ANKFN1: variants seen among roughly 807,000 people sequenced by gnomAD.
The protein encoded by ANKFN1 is ankyrin repeat and fibronectin type-III domain-containing protein 1.
Under a neutral mutation model 108.7 loss-of-function variants are expected in ANKFN1, and 74 were observed. The ratio of observed to expected loss-of-function variants is 0.68; its 90% CI spans 0.56 to 0.83. The LOEUF (loss-of-function observed/expected upper bound fraction) is 0.83. ANKFN1 is among the 40% of genes least tolerant of loss of function. The probability of loss-of-function intolerance (pLI) is 0.00; values close to 1 mark genes in which losing one functional copy is unlikely to be tolerated. For synonymous variants in ANKFN1, 547 were observed against 516.2 expected (o/e 1.06, Z -0.81); for missense variants, 1,505 against 1,382.3 (o/e 1.09, Z -1.41).
chr17:56,215,627 A>C (rs1357553996), intron 2 of ANKFN1, among the ~76,000 whole-genome samples: 3 of 152,214 alleles, frequency 2.0e-5, no homozygotes, highest in African/African-American at 7.2e-5. Context: ...TAGATGAAGG[A>C]ATCAGAAAAC....
chr17:56,117,389 G>T (rs1355745968), intron 4 of ANKFN1, among the ~76,000 whole-genome samples: 2 of 152,156 alleles, frequency 1.3e-5, no homozygotes, highest in Non-Finnish European at 2.9e-5. Context: ...GAGATAGATT[G>T]TGAGCTCACG....
chr17:56,338,648 T>C (rs1397500312), intron 4 of ANKFN1, among the ~76,000 whole-genome samples: 1 of 152,036 alleles, frequency 6.6e-6, no homozygotes, highest in Non-Finnish European at 1.5e-5. Context: ...AGGTTTCTTT[T>C]TTTCAGTTCA....
chr17:56,284,692 C>T (rs796303392), intron 3 of ANKFN1, among the ~76,000 whole-genome samples: 3 of 152,134 alleles, frequency 2.0e-5, no homozygotes, highest in Non-Finnish European at 4.4e-5. Flanking sequence ...TGAAGGCCAC[C>T]GCACCATGCA....
At chr17:56,147,127 G>C (rs1435686525) in intron 4 of ANKFN1, among the ~76,000 whole-genome samples, 1 of 152,130 alleles carries the variant, frequency 6.6e-6, no homozygotes, top group Non-Finnish European at 1.5e-5. Flanking sequence ...CTCCATCTGA[G>C]ACCACTTCAG....
intron 4 of ANKFN1, among the ~76,000 whole-genome samples, chr17:56,056,376 CAAA>C (rs35100387): frequency 5.2e-5 from 7 of 135,146 alleles, no homozygotes; most frequent in Middle Eastern, 3.4e-3. Context: ...CAATTCTAAG[CAAA>C]AAAAAAAAAA....
chr17:56,259,852 C>T (rs2043459810), intron 3 of ANKFN1, among the ~76,000 whole-genome samples: 1 of 151,664 alleles, frequency 6.6e-6, no homozygotes, highest in South Asian at 2.1e-4. Context: ...CAGTCCCATT[C>T]TACCAGGTAT....
intron 4 of ANKFN1, among the ~76,000 whole-genome samples, chr17:56,106,730 C>T (rs1905759522): frequency 6.6e-6 from 1 of 152,154 alleles, no homozygotes; most frequent in South Asian, 2.1e-4. Flanking sequence ...AAAATCTCAT[C>T]TTGAAGGCCG....
At chr17:56,408,746 C>A (rs1374326462) in intron 8 of ANKFN1, among the ~76,000 whole-genome samples, 1 of 152,106 alleles carries the variant, frequency 6.6e-6, no homozygotes, top group Non-Finnish European at 1.5e-5. Context: ...GTTACAGAGG[C>A]AACTAGCTCC....
chr17:56,266,152 T>C (rs2144148408), intron 3 of ANKFN1, among the ~76,000 whole-genome samples: 1 of 152,352 alleles, frequency 6.6e-6, no homozygotes, highest in South Asian at 2.1e-4. Context: ...GGAGATATCT[T>C]CCATTTGGAA....
At position 56,372,645 on chromosome 17, in the gene ANKFN1, G is replaced by A; in HGVS notation, c.602-1G>A. On this transcript the variant is annotated splice_acceptor_variant, in intron 6 of 20. Coordinates refer to ENST00000682825, the MANE Select transcript of ANKFN1 (RefSeq NM_001370326.1). LOFTEE classifies it high-confidence loss of function. ...AAGTAATCCCATTTCTTTCCCTTTAGTTGTCAGCCTGGAAAGCCGAGCAAT... is the reference window on the plus strand; with the variant it reads ...AAGTAATCCCATTTCTTTCCCTTTAATTGTCAGCCTGGAAAGCCGAGCAAT... 3 of 1,608,936 alleles carry A rather than the reference G, an allele frequency of 1.9e-6. No homozygotes were observed. Among genetic ancestry groups the A allele is most frequent in the Non-Finnish European group, 2.5e-6 (3 of 1,178,758 alleles).
At chr17:56,201,695 A>C (rs1431273033) in intron 1 of ANKFN1, among the ~76,000 whole-genome samples, 1 of 152,084 alleles carries the variant, frequency 6.6e-6, no homozygotes. Context: ...TTAGCTATTC[A>C]GTATATCTAA....
intron 8 of ANKFN1, among the ~76,000 whole-genome samples, chr17:56,403,014 C>G (rs901231404): frequency 2.0e-5 from 3 of 152,076 alleles, no homozygotes; most frequent in African/African-American, 7.2e-5. Flanking sequence ...TTTGAAGGCT[C>G]TTTTTGGAAT....
At chr17:56,236,976 T>C (rs1229416290) in intron 3 of ANKFN1, among the ~76,000 whole-genome samples, 1 of 152,184 alleles carries the variant, frequency 6.6e-6, no homozygotes. Context: ...TGAACTGATG[T>C]TGAATTTTAT....
chr17:56,096,570 A>G (rs1185629500), intron 4 of ANKFN1, among the ~76,000 whole-genome samples: 1 of 152,198 alleles, frequency 6.6e-6, no homozygotes, highest in Non-Finnish European at 1.5e-5. Flanking sequence ...AAAAAGTTCA[A>G]CATCACTAAT....
intron 15 of ANKFN1, among the ~76,000 whole-genome samples, chr17:56,468,798 G>A (rs1413747253): frequency 6.6e-6 from 1 of 152,210 alleles, no homozygotes; most frequent in Non-Finnish European, 1.5e-5. Context: ...TGGAATTTGG[G>A]TTCATAGGGA....
intron 3 of ANKFN1, among the ~76,000 whole-genome samples, chr17:56,301,240 G>T (rs1042331959): frequency 6.6e-6 from 1 of 152,134 alleles, no homozygotes; most frequent in African/African-American, 2.4e-5. Context: ...TCAGCTCCAC[G>T]TTGTTAGCCA....
chr17:56,058,059 A>G (rs1450425878), intron 4 of ANKFN1, among the ~76,000 whole-genome samples: 1 of 152,174 alleles, frequency 6.6e-6, no homozygotes, highest in Admixed American at 6.5e-5. Flanking sequence ...TTTAGGCATT[A>G]TTTTACATTA....
intron 3 of ANKFN1, among the ~76,000 whole-genome samples, chr17:56,290,604 T>A (rs1041308820): frequency 1.3e-5 from 2 of 152,134 alleles, no homozygotes; most frequent in African/African-American, 4.8e-5. Context: ...TGGGGAAACA[T>A]GCAAACTAAA....
chr17:56,422,368 A>T (rs1340349053), intron 8 of ANKFN1, among the ~76,000 whole-genome samples: 1 of 152,180 alleles, frequency 6.6e-6, no homozygotes, highest in Non-Finnish European at 1.5e-5. Flanking sequence ...ACTAAAATAA[A>T]CAAACTTTCA....
Sources: allele counts gnomAD v4.1 joint callset (sites outside exome capture counted in the v4.1 genomes callset), GRCh38; gene constraint gnomAD v4.1.1; transcripts MANE v1.5; gene names NCBI Gene and HGNC (gene_info 2026-07-23, HGNC 2026-07-21).